PRKDC: variants seen among roughly 807,000 people sequenced by gnomAD.
PRKDC encodes protein kinase, DNA-activated, catalytic subunit.
In PRKDC, 82 loss-of-function variants were observed where a neutral mutation model predicts 486.9. The observed-to-expected ratio is 0.17, with a 90% CI of 0.14 to 0.20. The LOEUF (loss-of-function observed/expected upper bound fraction) is 0.20. PRKDC is among the 10% of genes least tolerant of loss of function. The probability of loss-of-function intolerance (pLI) is 1.00; values close to 1 mark genes in which losing one functional copy is unlikely to be tolerated. For missense variants in PRKDC, 4,504 were observed against 5,038.2 expected (o/e 0.89, Z 3.21); for synonymous variants, 1,895 against 1,837.0 (o/e 1.03, Z -0.81).
intron 13 of PRKDC, 32 bp from the exon 14 acceptor site, chr8:47,935,090 GA>G: frequency 7.4e-7 from 1 of 1,357,968 alleles, no homozygotes; most frequent in South Asian, 1.4e-5. Context: ...AAAAATGAAG[GA>G]AACACTGAAA....
At position 47,927,124 on chromosome 8, in the gene PRKDC, G is replaced by T. The variant is rs373831154; in HGVS notation, c.2419+70C>A. Reference sequence around the variant, plus strand: ...AAATTTCAGAAGTTACAAAAATACAGTCCTACCTATTATAGTTACTCCATT... The same window carrying T: ...AAATTTCAGAAGTTACAAAAATACATTCCTACCTATTATAGTTACTCCATT... On this transcript the variant is annotated intron_variant, in intron 21 of 85. Coordinates refer to ENST00000314191, the MANE Select transcript of PRKDC (RefSeq NM_006904.7). The T allele has an allele frequency of 3.4e-5, 49 of 1,450,054 alleles. 2 individuals carry two copies. The African/African-American group carries it at 6.1e-4, about 18-fold the overall frequency. 89.8% of individuals were successfully genotyped at this position (1,450,054 alleles called of 1,614,324 possible).
chr8:47,939,950 GA>G (rs75394842), intron 10 of PRKDC: 3,241 of 65,838 alleles, frequency 0.049, 52 homozygotes, highest in African/African-American at 0.097. Context: ...ACATAAGTCT[GA>G]AAAAAAAAAA....
At chr8:47,781,017 T>A (rs1433830549) in intron 80 of PRKDC, among the ~76,000 whole-genome samples, 1 of 152,170 alleles carries the variant, frequency 6.6e-6, no homozygotes, top group Non-Finnish European at 1.5e-5. Flanking sequence ...AAGTGCCCTG[T>A]AAAAAGGCAG....
chr8:47,899,817 G>T (rs1419802068), intron 28 of PRKDC, among the ~76,000 whole-genome samples: 1 of 152,180 alleles, frequency 6.6e-6, no homozygotes, highest in African/African-American at 2.4e-5. Context: ...ACTCTATGTA[G>T]TTCCTAATAG....
rs751326858 is a variant in PRKDC at position 47,897,273 on chromosome 8, T to C, written c.3486A>G (p.Ser1162=). Residue 1162 remains serine (S), a synonymous_variant, in exon 30 of 86, where the codon TCA becomes TCG. Coordinates refer to ENST00000314191, the MANE Select transcript of PRKDC (RefSeq NM_006904.7). ...RLPRGFPPSA[S]LCLLDLVKWL... ...ACTTGACCAGATCCAATAAACACAATGATGCGGAAGGTGGAAATCCTCTGC... is the reference window on the plus strand; with the variant it reads ...ACTTGACCAGATCCAATAAACACAACGATGCGGAAGGTGGAAATCCTCTGC... 3.8e-6 allele frequency: 6 copies of C among 1,597,502 alleles called. No individual in the cohort carries two copies. The Admixed American group carries it at 6.7e-5, about 18-fold the overall frequency.
chr8:47,807,509 C>T (rs1384580167), intron 68 of PRKDC, among the ~76,000 whole-genome samples, 183 bp from the exon 69 acceptor site: 3 of 151,378 alleles, frequency 2.0e-5, no homozygotes, highest in African/African-American at 7.3e-5. Flanking sequence ...TGCTCTGCCT[C>T]CCGGGTTCAC....
intron 73 of PRKDC, 94 bp from the exon 74 acceptor site, chr8:47,794,595 G>A: frequency 8.9e-7 from 1 of 1,118,644 alleles, no homozygotes; most frequent in South Asian, 1.7e-5. Context: ...AAACTCAGAA[G>A]TATAAAAACG....
intron 24 of PRKDC, 38 bp downstream of exon 24, chr8:47,913,863 A>G (rs765287106): frequency 2.0e-6 from 3 of 1,537,994 alleles, no homozygotes; most frequent in Admixed American, 2.0e-5. Context: ...TTAAAGCAAT[A>G]GGATCTAAAT....
Position 47,881,489 on chromosome 8 carries a change from T to C in PRKDC, c.4994A>G (p.His1665Arg). Residue 1665 changes from histidine (H) to arginine (R), a missense_variant, in exon 38 of 86, where the codon CAT becomes CGT. Physicochemically the swap from His to Arg is conservative, Grantham distance 29. Around this residue, in one of 6 missense-constraint regions of PRKDC, gnomAD observed 1,969 missense variants for 2,068.9 expected, o/e 0.95. Coordinates refer to ENST00000314191, the MANE Select transcript of PRKDC (RefSeq NM_006904.7). ...TGTAAAGACTTCAGGGAATGAACCA[T>C]GACTTGTATTAAAAGATACAGATGA... ...IDSSVSFNTS[H>R]GSFPEVFTTY... The C allele has an allele frequency of 1.3e-6, 2 of 1,565,760 alleles. No homozygotes were observed. Among genetic ancestry groups the C allele is most frequent in the Non-Finnish European group, 1.7e-6 (2 of 1,144,298 alleles).
At position 47,893,020 on chromosome 8, in the gene PRKDC, C is replaced by T. The variant is rs1037823974; in HGVS notation, c.3847+119G>A. On this transcript the variant is annotated intron_variant, in intron 31 of 85. Coordinates refer to ENST00000314191, the MANE Select transcript of PRKDC (RefSeq NM_006904.7). Reference sequence around the variant, plus strand: ...CTTGCAGAGAAGTGACATGAAAGCACGGGCAAGGTGGTGCACAGCACCTAC... The same window carrying T: ...CTTGCAGAGAAGTGACATGAAAGCATGGGCAAGGTGGTGCACAGCACCTAC... 41 of 1,218,472 alleles carry T rather than the reference C, an allele frequency of 3.4e-5. 1 individual carries two copies. In the South Asian group the frequency reaches 4.0e-4, roughly 12 times the overall value. 75.5% of individuals were successfully genotyped at this position (1,218,472 alleles called of 1,614,324 possible).
chr8:47,779,733 G>A (rs979706163), intron 80 of PRKDC, among the ~76,000 whole-genome samples: 3 of 151,906 alleles, frequency 2.0e-5, no homozygotes, highest in African/African-American at 7.3e-5. Flanking sequence ...GGGATTACAG[G>A]CAAATGCCAC....
intron 41 of PRKDC, among the ~76,000 whole-genome samples, chr8:47,864,027 C>A (rs1478346097): frequency 6.6e-6 from 1 of 152,192 alleles, no homozygotes; most frequent in East Asian, 1.9e-4. Context: ...TGAAACCTAC[C>A]TCCTCATGTG....
chr8:47,940,873 G>T (rs190553324), intron 10 of PRKDC, among the ~76,000 whole-genome samples: 27 of 152,326 alleles, frequency 1.8e-4, no homozygotes, highest in Admixed American at 5.9e-4. Context: ...GCCGGGCGCA[G>T]TAGCTCACGC....
At chr8:47,887,880 G>A (rs955474575) in intron 34 of PRKDC, among the ~76,000 whole-genome samples, 175 bp from the exon 35 acceptor site, 2 of 152,138 alleles carry the variant, frequency 1.3e-5, no homozygotes, top group Non-Finnish European at 2.9e-5. Context: ...TTGTGAGACA[G>A]GGTCTTGCTC....
At chr8:47,787,457 A>G (rs1435417404) in intron 76 of PRKDC, among the ~76,000 whole-genome samples, 2 of 152,252 alleles carry the variant, frequency 1.3e-5, no homozygotes, top group East Asian at 1.9e-4. Flanking sequence ...AGGATCCTCT[A>G]AAGTGATATT....
Position 47,785,316 on chromosome 8 carries a change from G to T in PRKDC, c.10904C>A (p.Thr3635Asn). The T allele has an allele frequency of 6.4e-7, 1 of 1,569,434 alleles. No homozygotes were observed. Reference protein sequence around the residue: ...LGAFRRKFIQTFGKEFDKHFG... With the variant: ...LGAFRRKFIQNFGKEFDKHFG... ...ATGTTTATCAAATTCTTTTCCAAAAGTCTGAAATTAGTAAGAATTTACTAT... is the reference window on the plus strand; with the variant it reads ...ATGTTTATCAAATTCTTTTCCAAAATTCTGAAATTAGTAAGAATTTACTAT... The change falls in exon 77 of 86, where the codon ACT (threonine) becomes AAT (asparagine). Residue 3635 changes from threonine to asparagine, a missense_variant and splice_region_variant. Transcript: ENST00000314191.
intron 34 of PRKDC, 49 bp from the exon 35 acceptor site, chr8:47,887,754 A>G (rs1314053720): frequency 2.0e-6 from 3 of 1,528,242 alleles, no homozygotes; most frequent in East Asian, 4.8e-5. Context: ...TATTTCTTAG[A>G]AAAAAACAAC....
At chr8:47,794,212 T>C (rs2086937823) in intron 74 of PRKDC, 78 bp downstream of exon 74, 1 of 1,103,148 alleles carries the variant, frequency 9.1e-7, no homozygotes. Context: ...ACAAATGTAG[T>C]GTCCACGTGT....
intron 7 of PRKDC, 36 bp from the exon 8 acceptor site, chr8:47,944,065 A>G (rs1339842641): frequency 6.0e-6 from 9 of 1,498,226 alleles, no homozygotes; most frequent in Non-Finnish European, 8.2e-6. Flanking sequence ...ACAAATCGTA[A>G]TAACAGTATC....
Sources: allele counts gnomAD v4.1 joint callset (sites outside exome capture counted in the v4.1 genomes callset), GRCh38; gene constraint gnomAD v4.1.1; regional missense constraint gnomAD v4.1.1; transcripts MANE v1.5; gene names NCBI Gene and HGNC (gene_info 2026-07-23, HGNC 2026-07-21).